The following SUPT3H variants were observed in gnomAD, a reference collection of about 807,000 sequenced individuals.
SUPT3H encodes SPT3 homolog, SAGA and STAGA complex component.
Under a neutral mutation model 44.3 loss-of-function variants are expected in SUPT3H, and 44 were observed. The ratio of observed to expected loss-of-function variants is 0.99; its 90% CI spans 0.78 to 1.28. The LOEUF is 1.28. Among genes scored for constraint, SUPT3H ranks in the 50% most tolerant of loss-of-function variants. The pLI is 0.00. For missense variants in SUPT3H, 380 were observed against 387.1 expected (o/e 0.98, Z 0.15); for synonymous variants, 124 against 125.6 (o/e 0.99, Z 0.09).
intron 6 of SUPT3H, among the ~76,000 whole-genome samples, chr6:44,970,549 T>C (rs1387831085): frequency 6.6e-6 from 1 of 152,168 alleles, no homozygotes. Context: ...GACTTTTTGT[T>C]TTCCTGATTA....
At chr6:45,238,141 T>A (rs1317997129) in intron 2 of SUPT3H, among the ~76,000 whole-genome samples, 2 of 152,152 alleles carry the variant, frequency 1.3e-5, no homozygotes, top group African/African-American at 4.8e-5. Flanking sequence ...CGTAAAAAAA[T>A]TTTTAGTGTT....
intron 3 of SUPT3H, among the ~76,000 whole-genome samples, chr6:45,043,971 T>C (rs1277237643): frequency 6.6e-6 from 1 of 152,204 alleles, no homozygotes; most frequent in African/African-American, 2.4e-5. Flanking sequence ...CAGAATTTAT[T>C]AATTTCAGGT....
chr6:45,126,334 T>C (rs1462687949), intron 2 of SUPT3H, among the ~76,000 whole-genome samples: 2 of 152,172 alleles, frequency 1.3e-5, no homozygotes, highest in African/African-American at 4.8e-5. Flanking sequence ...CCCAAAAACA[T>C]TGTAGGTTTA....
chr6:45,217,290 C>T (rs1486313343), intron 2 of SUPT3H, among the ~76,000 whole-genome samples: 1 of 151,798 alleles, frequency 6.6e-6, no homozygotes, highest in East Asian at 2.0e-4. Flanking sequence ...ACCTGACCAA[C>T]ATGATGAAAC....
intron 2 of SUPT3H, among the ~76,000 whole-genome samples, chr6:45,301,175 T>C (rs945220661): frequency 1.3e-5 from 2 of 152,010 alleles, no homozygotes; most frequent in Non-Finnish European, 2.9e-5. Context: ...GGGTGAGGGA[T>C]AGGTAAATAA....
intron 3 of SUPT3H, among the ~76,000 whole-genome samples, chr6:45,036,714 T>G (rs529073971): frequency 2.8e-4 from 42 of 152,280 alleles, no homozygotes; most frequent in African/African-American, 8.7e-4. Context: ...TTAAGGTAGT[T>G]TAAGACATGC....
chr6:44,942,113 A>G (rs977878148), intron 9 of SUPT3H, among the ~76,000 whole-genome samples: 2 of 152,196 alleles, frequency 1.3e-5, no homozygotes, highest in African/African-American at 4.8e-5. Flanking sequence ...AGAATTTCTA[A>G]AAACATAAAA....
intron 2 of SUPT3H, among the ~76,000 whole-genome samples, chr6:45,117,017 G>T (rs984846142): frequency 5.3e-5 from 8 of 151,992 alleles, no homozygotes; most frequent in African/African-American, 1.9e-4. Flanking sequence ...TCTTTGAAAA[G>T]ACTTTCCAAA....
chr6:45,094,858 A>C (rs1797596010), intron 3 of SUPT3H, among the ~76,000 whole-genome samples: 1 of 152,126 alleles, frequency 6.6e-6, no homozygotes, highest in Non-Finnish European at 1.5e-5. Flanking sequence ...ATTTTTACTT[A>C]AGAAGTAAAA....
At chr6:44,941,295 C>T (rs1772384772) in intron 9 of SUPT3H, among the ~76,000 whole-genome samples, 1 of 151,990 alleles carries the variant, frequency 6.6e-6, no homozygotes, top group Non-Finnish European at 1.5e-5. Flanking sequence ...ATGTTTAGGA[C>T]TCCTTTGAGC....
intron 2 of SUPT3H, among the ~76,000 whole-genome samples, chr6:45,109,388 C>T (rs922571349): frequency 6.6e-6 from 1 of 152,042 alleles, no homozygotes; most frequent in Non-Finnish European, 1.5e-5. Context: ...AAATAATTGG[C>T]TTAACCATAA....
chr6:45,228,170 G>A (rs981707948), intron 2 of SUPT3H, among the ~76,000 whole-genome samples: 8 of 152,138 alleles, frequency 5.3e-5, no homozygotes, highest in Admixed American at 1.3e-4. Context: ...CTTTTACAAT[G>A]TTCAATTTTA....
intron 10 of SUPT3H, among the ~76,000 whole-genome samples, chr6:44,906,408 G>A (rs1225959519): frequency 6.6e-6 from 1 of 152,158 alleles, no homozygotes; most frequent in Non-Finnish European, 1.5e-5. Context: ...ATATTTGACT[G>A]TATTATGCAT....
chr6:44,901,705 C>T (rs1765093252), intron 10 of SUPT3H, among the ~76,000 whole-genome samples: 1 of 151,392 alleles, frequency 6.6e-6, no homozygotes, highest in Non-Finnish European at 1.5e-5. Flanking sequence ...AAGAGCAACT[C>T]CAAGACACAT....
chr6:44,996,179 T>C (rs1781242704), intron 6 of SUPT3H, among the ~76,000 whole-genome samples: 1 of 151,904 alleles, frequency 6.6e-6, no homozygotes, highest in African/African-American at 2.4e-5. Context: ...AAATACTTTC[T>C]CGGTTTTACT....
At chr6:45,367,059 G>A (rs1197127694) in intron 1 of SUPT3H, among the ~76,000 whole-genome samples, 1 of 152,056 alleles carries the variant, frequency 6.6e-6, no homozygotes, top group Non-Finnish European at 1.5e-5. Context: ...AAGAAGGTTG[G>A]GGAAAAAAAG....
Position 45,080,207 on chromosome 6 carries a change from G to C in SUPT3H, c.186+25715C>G, listed in dbSNP as rs1277804351. On this transcript the variant is annotated intron_variant, in intron 3 of 10. Coordinates refer to ENST00000371459, the MANE Select transcript of SUPT3H (RefSeq NM_003599.4). ...GTATATGAAAAAGTGCTTTACAACT[G>C]ATCGTCAGAGAAATGCAAATCAAAA... 3.3e-5 allele frequency among the ~76,000 whole-genome samples: 5 copies of C among 152,108 alleles called. No homozygotes were observed. In the East Asian group the frequency reaches 9.6e-4, roughly 29 times the overall value.
chr6:45,221,967 G>C (rs894476854), intron 2 of SUPT3H, among the ~76,000 whole-genome samples: 1 of 151,970 alleles, frequency 6.6e-6, no homozygotes, highest in Admixed American at 6.6e-5. Flanking sequence ...ACGCAGAAAT[G>C]GACCAAGCAA....
intron 3 of SUPT3H, 100 bp downstream of exon 3, chr6:45,105,822 G>T (rs1799197643): frequency 2.2e-6 from 2 of 916,280 alleles, no homozygotes. Flanking sequence ...TAACAAAAAA[G>T]AATTCCAGCT....
Sources: gnomAD v4.1 joint callset for allele counts (sites outside exome capture counted in the v4.1 genomes callset) on GRCh38, gnomAD v4.1.1 for gene constraint, MANE v1.5 for transcripts, NCBI Gene and HGNC (gene_info 2026-07-23, HGNC 2026-07-21) for gene names.